Variants in PITRM1 observed in about 807,000 individuals in gnomAD.
The protein encoded by PITRM1 is pitrilysin metallopeptidase 1.
A neutral mutation model predicts 129.9 loss-of-function variants in PITRM1; 100 were observed. The observed-to-expected ratio is 0.77, with a 90% confidence interval of 0.65 to 0.91. The LOEUF (loss-of-function observed/expected upper bound fraction) is 0.91, where lower values mean the gene tolerates loss of function less well. Ranked by LOEUF, PITRM1 falls within the 40% of genes least tolerant of loss-of-function variation. The probability of loss-of-function intolerance (pLI) is 0.00; values close to 1 mark genes in which losing one functional copy is unlikely to be tolerated. For synonymous variants in PITRM1, 591 were observed against 508.8 expected (o/e 1.16, Z -2.17); for missense variants, 1,471 against 1,318.3 (o/e 1.12, Z -1.79).
rs1335786809 is a variant in PITRM1 at position 3,157,033 on chromosome 10, T to TCC, written c.1377_1378dup (p.Asp460GlyfsTer7). Reference sequence around the variant, plus strand: ...TCCCAACTTCAAGAGCTCCACAGGGTCCCCATCATGGTTCCAGCAAGAAGC... The same window carrying TCC: ...TCCCAACTTCAAGAGCTCCACAGGGTCCCCCCATCATGGTTCCAGCAAGAAGC... On this transcript the variant is annotated frameshift_variant, in exon 13 of 27. Transcript: ENST00000224949. LOFTEE classifies it high-confidence loss of function. 2 of 1,610,186 alleles carry TCC rather than the reference T, an allele frequency of 1.2e-6. No homozygotes were observed. Among genetic ancestry groups the TCC allele is most frequent in the African/African-American group, 1.3e-5 (1 of 74,758 alleles).
At position 3,165,227 on chromosome 10, in the gene PITRM1, A is replaced by T. The variant is rs767525803; in HGVS notation, c.630+11T>A. On this transcript the variant is annotated intron_variant, in intron 6 of 26. Transcript: ENST00000224949. Reference sequence around the variant, plus strand: ...AAGCTGAACACAACATAAAAAAGGAAGAAAACTTACAAACGCTCCCTTCAT... The same window carrying T: ...AAGCTGAACACAACATAAAAAAGGATGAAAACTTACAAACGCTCCCTTCAT... 2 of 1,536,796 alleles carry T rather than the reference A, an allele frequency of 1.3e-6. No homozygotes were observed. Among genetic ancestry groups the T allele is most frequent in the Non-Finnish European group, 1.8e-6 (2 of 1,141,512 alleles).
chr10:3,154,523 T>C (rs1841804538), intron 14 of PITRM1, among the ~76,000 whole-genome samples: 1 of 152,234 alleles, frequency 6.6e-6, no homozygotes, highest in Admixed American at 6.5e-5. Context: ...TATATCACTG[T>C]AGTTTTAATC....
intron 23 of PITRM1, chr10:3,141,554 C>A: frequency 2.9e-6 from 1 of 339,570 alleles, no homozygotes. Flanking sequence ...GGAACAGGGC[C>A]AATTTCCTCT....
Position 3,159,859 on chromosome 10 carries a change from G to A in PITRM1, c.996C>T (p.Phe332=). Residue 332 remains phenylalanine, a synonymous_variant, in exon 9 of 27, where the codon TTC becomes TTT. Transcript: ENST00000224949. ...PSKQTTISVS[F]LLPDITDTFE... is the part of the protein sequence containing the mutation. ...CAGCATATACTTACTCCGGTAAGAG[G>A]AAGCTAACGCTGATGGTTGTTTGTT... is the stretch of plus-strand genomic sequence containing the variant. The A allele has an allele frequency of 5.0e-6, 8 of 1,592,956 alleles. No homozygotes were observed. The highest frequency in any genetic ancestry group is 6.9e-6 in the Non-Finnish European group (8 of 1,164,572).
chr10:3,166,349 T>TA lies in PITRM1; in HGVS notation c.297dup (p.Thr100TyrfsTer8), dbSNP rs1483343351. The TA allele has an allele frequency of 9.7e-7, 1 of 1,026,408 alleles. No individual in the cohort carries two copies. Among genetic ancestry groups the TA allele is most frequent in the East Asian group, 2.9e-5 (1 of 34,880 alleles). The allele number at this position is 1,026,408 out of a possible 1,614,324, so 63.6% of individuals were successfully genotyped here. A position where few individuals can be genotyped will look rare whatever the true frequency, so the allele number is the denominator to read the frequency against. On this transcript the variant is annotated frameshift_variant, in exon 4 of 27. Transcript: ENST00000224949. LOFTEE classifies it high-confidence loss of function. ...TGCTCAAGAATGTGAGGAACACCAG[T>TA]ACTGTCCATGGGAGTAGTACGGAAC...
chr10:3,141,363 C>T (rs1840179592), intron 23 of PITRM1: 1 of 203,472 alleles, frequency 4.9e-6, no homozygotes, highest in Non-Finnish European at 1.0e-5. Flanking sequence ...TGTTCCAATG[C>T]ACATGTGGCA....
At chr10:3,168,711 TC>T in intron 2 of PITRM1, among the ~76,000 whole-genome samples, 1 of 152,286 alleles carries the variant, frequency 6.6e-6, no homozygotes, top group South Asian at 2.1e-4. Flanking sequence ...AGAGATGCCT[TC>T]CACCACGATT....
intron 23 of PITRM1, among the ~76,000 whole-genome samples, chr10:3,142,112 T>C (rs2131818414): frequency 6.6e-6 from 1 of 152,350 alleles, no homozygotes; most frequent in South Asian, 2.1e-4. Context: ...TTTTAGTGTT[T>C]TCTGTCTACA....
At chr10:3,172,187 A>G in intron 1 of PITRM1, 1 of 456,684 alleles carries the variant, frequency 2.2e-6, no homozygotes, top group South Asian at 1.5e-5. Context: ...ATTACCTTAT[A>G]TTAAACACGG....
intron 2 of PITRM1, among the ~76,000 whole-genome samples, chr10:3,169,758 T>C: frequency 6.6e-6 from 1 of 152,334 alleles, no homozygotes; most frequent in Non-Finnish European, 1.5e-5. Flanking sequence ...TGGCAAAACC[T>C]GACTAAACAG....
intron 23 of PITRM1, among the ~76,000 whole-genome samples, chr10:3,141,958 G>A (rs776166970): frequency 6.6e-5 from 10 of 152,150 alleles, no homozygotes; most frequent in Non-Finnish European, 1.2e-4. Context: ...CAGGGATGGC[G>A]TTCCATCCGT....
intron 11 of PITRM1, 23 bp downstream of exon 11, chr10:3,158,017 T>A: frequency 7.1e-7 from 1 of 1,412,444 alleles, no homozygotes. Context: ...GAAAGCAGAT[T>A]GTTACAAACA....
intron 4 of PITRM1, 44 bp from the exon 5 acceptor site, chr10:3,165,571 C>T: frequency 8.8e-7 from 1 of 1,132,668 alleles, no homozygotes; most frequent in South Asian, 1.3e-5. Flanking sequence ...TAACAGATTT[C>T]TACTAAAATT....
At chr10:3,157,395 T>A (rs1197679543) in intron 12 of PITRM1, 40 bp downstream of exon 12, 1 of 1,248,464 alleles carries the variant, frequency 8.0e-7, no homozygotes, top group African/African-American at 1.5e-5. Flanking sequence ...ACAAAATGTC[T>A]ATTATAAAAC....
chr10:3,171,262 T>C (rs1327991688), intron 1 of PITRM1, among the ~76,000 whole-genome samples: 2 of 137,878 alleles, frequency 1.5e-5, no homozygotes, highest in African/African-American at 5.5e-5. Flanking sequence ...ATACACATGA[T>C]ACAGTATTAT....
In PITRM1 at chr10:3,147,216, T is replaced by C; in HGVS notation, c.2270A>G (p.Asp757Gly). The C allele has an allele frequency of 6.2e-7, 1 of 1,612,950 alleles. No individual in the cohort carries two copies. The highest frequency in any genetic ancestry group is 1.1e-5 in the South Asian group (1 of 91,042). ...GAGCTTCCTCAGGATGGGTTTGATA[T>C]CTGTCATTTCTGCAATCCTCTTCAT... is the stretch of plus-strand genomic sequence containing the variant. ...RLMKRIAEMT[D>G]IKPILRKLPR... Residue 757 changes from aspartate (D) to glycine (G), a missense_variant, in exon 20 of 27, where the codon GAT becomes GGT. Transcript: ENST00000224949.
intron 21 of PITRM1, 125 bp downstream of exon 21, chr10:3,145,471 C>A (rs1038610539): frequency 1.2e-5 from 9 of 763,008 alleles, no homozygotes; most frequent in Non-Finnish European, 1.7e-5. Context: ...TCTTCATCTG[C>A]GTACGGGGGA....
At chr10:3,148,508 C>T (rs952142739) in intron 16 of PITRM1, 151 of 533,706 alleles carry the variant, frequency 2.8e-4, no homozygotes, top group Non-Finnish European at 4.5e-4. Context: ...GTTTCTCCCG[C>T]CTAGGAAGTT....
At position 3,138,893 on chromosome 10, in the gene PITRM1, A is replaced by G; in HGVS notation, c.2917+11T>C. The G allele has an allele frequency of 6.2e-7, 1 of 1,613,536 alleles. No homozygotes were observed. The highest frequency in any genetic ancestry group is 8.5e-7 in the Non-Finnish European group (1 of 1,179,502). ...TGTGGGTTGAGATTCTCACTGTTATACTCAAAATACCTTTGTCTGAAGGAG... is the reference window on the plus strand; with the variant it reads ...TGTGGGTTGAGATTCTCACTGTTATGCTCAAAATACCTTTGTCTGAAGGAG... On this transcript the variant is annotated intron_variant, in intron 25 of 26. Transcript: ENST00000224949.
Sources: gnomAD v4.1 joint callset for allele counts (sites outside exome capture counted in the v4.1 genomes callset) on GRCh38, gnomAD v4.1.1 for gene constraint, MANE v1.5 for transcripts, NCBI Gene and HGNC (gene_info 2026-07-23, HGNC 2026-07-21) for gene names.